Variants in SLC39A11 observed in about 807,000 individuals in gnomAD.
SLC39A11 encodes zinc transporter ZIP11.
SLC39A11 carries 33 observed loss-of-function variants against 36.1 expected under a neutral mutation model. That is an observed-to-expected ratio of 0.91 (90% CI 0.69 to 1.22). SLC39A11 has a LOEUF of 1.22. Among genes scored for constraint, SLC39A11 ranks in the 50% most tolerant of loss-of-function variants. SLC39A11 has a pLI of 0.00. For missense variants in SLC39A11, 432 were observed against 430.3 expected (o/e 1.00, Z -0.03); for synonymous variants, 166 against 170.3 (o/e 0.97, Z 0.20).
intron 4 of SLC39A11, among the ~76,000 whole-genome samples, chr17:72,999,768 T>C (rs998414386): frequency 1.3e-5 from 2 of 152,110 alleles, no homozygotes; most frequent in Non-Finnish European, 2.9e-5. Context: ...GAGATGAAGT[T>C]TCACTCTTGT....
chr17:72,732,053 T>C (rs1167823113), intron 7 of SLC39A11, among the ~76,000 whole-genome samples: 3 of 111,876 alleles, frequency 2.7e-5, no homozygotes, highest in Admixed American at 1.8e-4. Context: ...TTTTTTTTTT[T>C]TTTTTTTTTT....
intron 4 of SLC39A11, among the ~76,000 whole-genome samples, chr17:72,996,270 C>T (rs77952976): frequency 1.9e-4 from 29 of 152,310 alleles, no homozygotes; most frequent in East Asian, 9.6e-4. Flanking sequence ...GCCGCTTGAA[C>T]GTTTGGCCTC....
In SLC39A11 at chr17:72,859,454, T is replaced by C. The variant is rs77086187; in HGVS notation, c.431-9650A>G. Reference sequence around the variant, plus strand: ...CCTGTATTTGAACTGACAACTCTACTTGAGCCCCTGAGGGGCTCAAGGGGC... The same window carrying C: ...CCTGTATTTGAACTGACAACTCTACCTGAGCCCCTGAGGGGCTCAAGGGGC... On this transcript the variant is annotated intron_variant, in intron 5 of 9. Transcript: ENST00000255559. 4.6e-3 allele frequency among the ~76,000 whole-genome samples: 701 copies of C among 151,506 alleles called. 4 individuals carry two copies. Among genetic ancestry groups the C allele is most frequent in the African/African-American group, 0.016 (663 of 41,352 alleles).
chr17:73,009,620 A>G (rs570472776), intron 4 of SLC39A11, among the ~76,000 whole-genome samples: 1 of 152,206 alleles, frequency 6.6e-6, no homozygotes, highest in Non-Finnish European at 1.5e-5. Flanking sequence ...GGGTGATGAA[A>G]ATGTGTGGAA....
chr17:72,678,613 G>T (rs1375635736), intron 7 of SLC39A11, among the ~76,000 whole-genome samples: 1 of 152,080 alleles, frequency 6.6e-6, no homozygotes. Flanking sequence ...GCTGAGGCAG[G>T]AGAATTGCTT....
chr17:72,904,891 C>T (rs1286351841), intron 5 of SLC39A11, among the ~76,000 whole-genome samples: 7 of 152,200 alleles, frequency 4.6e-5, no homozygotes, highest in Non-Finnish European at 8.8e-5. Context: ...AAAGATAGCA[C>T]GGCTGGGCAC....
chr17:73,020,680 C>CTTTTTTTTTTTTTTTT lies in SLC39A11; in HGVS notation c.306+10860_306+10875dup, dbSNP rs71154945. On this transcript the variant is annotated intron_variant, in intron 4 of 9. Coordinates refer to ENST00000255559, the MANE Select transcript of SLC39A11 (RefSeq NM_139177.4). ...TTTTGGGGGGTCTTTTTGTTTCTTT[C>CTTTTTTTTTTTTTTTT]TTTTTTTTTTTTTTTTTTTTTGAGA... Among the ~76,000 whole-genome samples, 11 of 98,888 alleles carry CTTTTTTTTTTTTTTTT rather than the reference C, an allele frequency of 1.1e-4. 1 individual carries two copies. Among genetic ancestry groups the CTTTTTTTTTTTTTTTT allele is most frequent in the Admixed American group, 1.4e-4 (1 of 7,270 alleles). The allele number at this position is 98,888 out of a possible 152,430, so 64.9% of individuals were successfully genotyped here.
chr17:72,740,558 A>C lies in SLC39A11; in HGVS notation c.602-3839T>G, dbSNP rs941809778. Among the ~76,000 whole-genome samples, 7 of 152,256 alleles carry C rather than the reference A, an allele frequency of 4.6e-5. No homozygotes were observed. In the South Asian group the frequency reaches 1.0e-3, roughly 23 times the overall value. ...CAAGTTCATTTTTTCTTATAACGTCATGACTTTTTTCTGCTTCTTGGGAGC... is the reference window on the plus strand; with the variant it reads ...CAAGTTCATTTTTTCTTATAACGTCCTGACTTTTTTCTGCTTCTTGGGAGC... On this transcript the variant is annotated intron_variant, in intron 6 of 9. Transcript: ENST00000255559.
At chr17:72,862,836 T>C (rs532896789) in intron 5 of SLC39A11, among the ~76,000 whole-genome samples, 6 of 152,254 alleles carry the variant, frequency 3.9e-5, no homozygotes, top group African/African-American at 1.4e-4. Flanking sequence ...TGAGGCCACA[T>C]GTGCATGCGG....
intron 5 of SLC39A11, among the ~76,000 whole-genome samples, chr17:72,947,319 GA>G (rs35047970): frequency 0.39 from 58,611 of 148,806 alleles, 11,556 homozygotes; most frequent in Admixed American, 0.46. Context: ...ATCTCGGGGG[GA>G]AAAAAAAAAT....
At chr17:72,810,357 A>G (rs1250828200) in intron 6 of SLC39A11, among the ~76,000 whole-genome samples, 1 of 152,202 alleles carries the variant, frequency 6.6e-6, no homozygotes, top group East Asian at 1.9e-4. Flanking sequence ...GCATCCATTC[A>G]CAGAAGAATG....
At chr17:72,984,823 A>C (rs2088594395) in intron 4 of SLC39A11, among the ~76,000 whole-genome samples, 2 of 152,250 alleles carry the variant, frequency 1.3e-5, no homozygotes, top group South Asian at 4.1e-4. Context: ...CAGAATGTTA[A>C]ATGAATAAGG....
At chr17:73,071,270 T>C (rs1270174115) in intron 3 of SLC39A11, among the ~76,000 whole-genome samples, 1 of 152,164 alleles carries the variant, frequency 6.6e-6, no homozygotes, top group African/African-American at 2.4e-5. Context: ...TCCCTCACAA[T>C]CTCAAATTGC....
intron 7 of SLC39A11, among the ~76,000 whole-genome samples, chr17:72,666,846 C>A (rs921695414): frequency 6.6e-6 from 1 of 152,182 alleles, no homozygotes; most frequent in Non-Finnish European, 1.5e-5. Context: ...GTTTGACAAC[C>A]AGCTTGGGAT....
intron 4 of SLC39A11, among the ~76,000 whole-genome samples, chr17:73,012,416 T>A (rs1018172163): frequency 6.6e-6 from 1 of 152,206 alleles, no homozygotes; most frequent in African/African-American, 2.4e-5. Flanking sequence ...CATATACACC[T>A]ACTACGCAGC....
At position 72,798,525 on chromosome 17, in the gene SLC39A11, G is replaced by A. The variant is rs543171885; in HGVS notation, c.601+51109C>T. Among the ~76,000 whole-genome samples, 12 of 149,218 alleles carry A rather than the reference G, an allele frequency of 8.0e-5. 1 individual carries two copies. The highest frequency in any genetic ancestry group is 5.5e-4 in the Admixed American group (8 of 14,630). On this transcript the variant is annotated intron_variant, in intron 6 of 9. Transcript: ENST00000255559. ...GCCTTCCAGGTTCATGCAATTCTCC[G>A]ACCTCAGCCTCCCGAGTAGCTGGGA...
chr17:72,733,894 C>T (rs987677751), intron 7 of SLC39A11, among the ~76,000 whole-genome samples: 3 of 152,132 alleles, frequency 2.0e-5, no homozygotes, highest in Admixed American at 6.5e-5. Context: ...ACTCTACACA[C>T]AAGCACAGAT....
At chr17:72,662,206 G>A (rs2070456344) in intron 7 of SLC39A11, among the ~76,000 whole-genome samples, 1 of 152,054 alleles carries the variant, frequency 6.6e-6, no homozygotes, top group South Asian at 2.1e-4. Flanking sequence ...GTTTGAGGCT[G>A]TAGTACTATG....
chr17:72,697,953 A>G (rs1212488501), intron 7 of SLC39A11, among the ~76,000 whole-genome samples: 1 of 152,242 alleles, frequency 6.6e-6, no homozygotes, highest in Non-Finnish European at 1.5e-5. Flanking sequence ...AGCCTTGTCC[A>G]GGAACAATGT....
Sources: allele counts gnomAD v4.1 joint callset (sites outside exome capture counted in the v4.1 genomes callset), GRCh38; gene constraint gnomAD v4.1.1; transcripts MANE v1.5; gene names NCBI Gene and HGNC (gene_info 2026-07-23, HGNC 2026-07-21).